The following PLEK2 variants were observed in gnomAD, a reference collection of about 807,000 sequenced individuals.
The protein encoded by PLEK2 is pleckstrin 2, also known as pleckstrin-2.
Under a neutral mutation model 43.8 loss-of-function variants are expected in PLEK2, and 29 were observed. That is an observed-to-expected ratio of 0.66 (90% CI 0.49 to 0.90). The LOEUF (loss-of-function observed/expected upper bound fraction) is 0.90, where lower values mean the gene tolerates loss of function less well. Ranked by LOEUF, PLEK2 falls within the 40% of genes least tolerant of loss-of-function variation. The pLI, the probability that PLEK2 is intolerant of heterozygous loss-of-function variation, is 0.00. For synonymous variants in PLEK2, 162 were observed against 173.2 expected (o/e 0.94, Z 0.51); for missense variants, 398 against 448.1 (o/e 0.89, Z 1.01).
intron 1 of PLEK2, 54 bp downstream of exon 1, chr14:67,411,964 C>T: frequency 6.8e-7 from 1 of 1,460,302 alleles, no homozygotes; most frequent in Non-Finnish European, 9.2e-7. Context: ...CTCTAGGGAG[C>T]CGCGTCGGCG....
Position 67,397,754 on chromosome 14 carries a change from C to G in PLEK2, c.115G>C (p.Glu39Gln). 6.2e-7 allele frequency: 1 copy of G among 1,613,584 alleles called. No homozygotes were observed. The highest frequency in any genetic ancestry group is 8.5e-7 in the Non-Finnish European group (1 of 1,179,756). Residue 39 changes from glutamate (E) to glutamine (Q), a missense_variant, in exon 2 of 9, where the codon GAG becomes CAG. Transcript: ENST00000216446. The part of the protein sequence containing the change: ...RQNTLVYYKL[E>Q]GGRRVTPPKG... ...GGAGGGGTCACTCTCCGACCCCCCT[C>G]AAGCTTGTAGTACACCAGCGTGTTC...
At position 67,390,676 on chromosome 14, in the gene PLEK2, T is replaced by G. The variant is rs762524654; in HGVS notation, c.842A>C (p.Tyr281Ser). Reference protein sequence around the residue: ...LRKDPAFLHYYDPSKEENRPV... With the variant: ...LRKDPAFLHYSDPSKEENRPV... ...ATGCGCACTCACTTTGGAAGGGTCA[T>G]AGTAATGCAGGAAAGCTGGATCCTT... Residue 281 changes from tyrosine to serine, a missense_variant, in exon 7 of 9, where the codon TAT becomes TCT. By Grantham distance (144) the Tyr-to-Ser change is moderately radical (BLOSUM62 -2). Transcript: ENST00000216446. 1.1e-5 allele frequency: 17 copies of G among 1,612,116 alleles called. No individual in the cohort carries two copies. In the South Asian group the frequency reaches 1.9e-4, roughly 18 times the overall value.
chr14:67,395,329 A>AG (rs1165025865), intron 3 of PLEK2, 73 bp downstream of exon 3: 19 of 1,358,000 alleles, frequency 1.4e-5, no homozygotes, highest in Non-Finnish European at 2.0e-5. Context: ...AGCCCCCCCA[A>AG]GGGGCAGGGT....
chr14:67,390,342 C>G (rs986788642), intron 7 of PLEK2, among the ~76,000 whole-genome samples: 1 of 152,146 alleles, frequency 6.6e-6, no homozygotes, highest in Non-Finnish European at 1.5e-5. Flanking sequence ...GTAGGAGTCT[C>G]TGTCAGCCTA....
In PLEK2 at chr14:67,392,716, G is replaced by A. The variant is rs916716992; in HGVS notation, c.615C>T (p.Arg205=). 1 of 1,614,204 alleles carries A rather than the reference G, an allele frequency of 6.2e-7. No individual in the cohort carries two copies. Among genetic ancestry groups the A allele is most frequent in the Non-Finnish European group, 8.5e-7 (1 of 1,180,014 alleles). The change falls in exon 5 of 9, where the codon CGC becomes CGT. Residue 205 remains arginine, a synonymous_variant. Coordinates refer to ENST00000216446, the MANE Select transcript of PLEK2 (RefSeq NM_016445.3). Reference sequence around the variant, plus strand: ...GGAACTGCTCGGCCAGATCCCCAGAGCGAATGGCTCCCATGCTTCGGACAC... The same window carrying A: ...GGAACTGCTCGGCCAGATCCCCAGAACGAATGGCTCCCATGCTTCGGACAC... ...PVGVRSMGAI[R]SGDLAEQFLD...
intron 2 of PLEK2, among the ~76,000 whole-genome samples, chr14:67,397,415 A>T (rs1049960632): frequency 1.3e-5 from 2 of 152,200 alleles, no homozygotes; most frequent in African/African-American, 4.8e-5. Context: ...GGTCCTCACC[A>T]CAACCATGTG....
At chr14:67,389,680 T>C (rs183395465) in intron 7 of PLEK2, among the ~76,000 whole-genome samples, 2 of 152,214 alleles carry the variant, frequency 1.3e-5, no homozygotes, top group Admixed American at 1.3e-4. Flanking sequence ...TTTCCTATTT[T>C]AAAAGCTGAG....
intron 1 of PLEK2, 89 bp downstream of exon 1, chr14:67,411,929 G>C: frequency 8.0e-7 from 1 of 1,243,870 alleles, no homozygotes; most frequent in Non-Finnish European, 1.1e-6. Context: ...GAGCATGCCC[G>C]TTCCGGGGCG....
intron 7 of PLEK2, among the ~76,000 whole-genome samples, chr14:67,389,694 G>T (rs2085953017): frequency 6.6e-6 from 1 of 151,834 alleles, no homozygotes; most frequent in African/African-American, 2.4e-5. Flanking sequence ...AGCTGAGACA[G>T]CAGACTCATC....
At chr14:67,388,034 T>C (rs959936956) in intron 8 of PLEK2, among the ~76,000 whole-genome samples, 190 bp downstream of exon 8, 6 of 152,228 alleles carry the variant, frequency 3.9e-5, no homozygotes, top group African/African-American at 1.2e-4. Flanking sequence ...GATTACTTAG[T>C]TGTATTCTTA....
intron 3 of PLEK2, among the ~76,000 whole-genome samples, chr14:67,394,156 T>C (rs1394844641): frequency 6.6e-6 from 1 of 152,210 alleles, no homozygotes; most frequent in Non-Finnish European, 1.5e-5. Flanking sequence ...TTCTTCTCCT[T>C]ATCTAAATGT....
At chr14:67,389,358 T>G in intron 7 of PLEK2, among the ~76,000 whole-genome samples, 1 of 151,086 alleles carries the variant, frequency 6.6e-6, no homozygotes, top group African/African-American at 2.4e-5. Context: ...GATAGGAGAG[T>G]AGGTCCCCAG....
chr14:67,393,035 C>T (rs1356657195), intron 4 of PLEK2, 115 bp downstream of exon 4: 2 of 940,404 alleles, frequency 2.1e-6, no homozygotes, highest in Admixed American at 3.6e-5. Context: ...TCAGGCTAGC[C>T]TGTTGCCCAG....
chr14:67,392,488 G>A (rs558187891), intron 5 of PLEK2, 61 bp from the exon 6 acceptor site: 121 of 1,345,904 alleles, frequency 9.0e-5, no homozygotes, highest in African/African-American at 2.9e-4. Context: ...AGGCTATGGC[G>A]GCTGTCAGAG....
rs755007920 is a variant in PLEK2 at position 67,390,738 on chromosome 14, C to T, written c.780G>A (p.Lys260=). The change falls in exon 7 of 9, where the codon AAG becomes AAA. Residue 260 remains lysine, a synonymous_variant. Transcript: ENST00000216446. ...KQGYLAKQGH[K]RKNWKVRRFV... is the part of the protein sequence containing the mutation. ...AGCGACGCACCTTCCAGTTTTTCCT[C>T]TTGTGTCCCTGAGGCAAAGAAATGG... 3 of 1,611,604 alleles carry T rather than the reference C, an allele frequency of 1.9e-6. No homozygotes were observed. Among genetic ancestry groups the T allele is most frequent in the African/African-American group, 2.7e-5 (2 of 74,992 alleles).
rs1477500063 is a variant in PLEK2, at chr14:67,397,798, C to G, written c.71G>C (p.Arg24Pro). Reference protein sequence around the residue: ...RGHIVHNWKARWFILRQNTLV... With the variant: ...RGHIVHNWKAPWFILRQNTLV... Reference sequence around the variant, plus strand: ...CGTGTTCTGCCGAAGGATGAACCATCGCGCCTTCCAGTTGTGGACAATGTG... The same window carrying G: ...CGTGTTCTGCCGAAGGATGAACCATGGCGCCTTCCAGTTGTGGACAATGTG... The change falls in exon 2 of 9, where the codon CGA (arginine) becomes CCA (proline). Residue 24 changes from arginine to proline, a missense_variant. Arg to Pro is a moderately radical substitution (Grantham distance 103). Transcript: ENST00000216446. 1 of 1,612,350 alleles carries G rather than the reference C, an allele frequency of 6.2e-7. No individual in the cohort carries two copies. Among genetic ancestry groups the G allele is most frequent in the East Asian group, 2.2e-5 (1 of 44,852 alleles).
Position 67,387,331 on chromosome 14 carries a change from A to C in PLEK2, c.1060T>G (p.Ter354GlyextTer26). ...EWIEAIKKLT[*>G] ...ATCCTGGTTCCCTCAGGTCCTTGTC[A>C]TGTTAGCTTTTTGATAGCTTCAATC... The change falls in exon 9 of 9, where the codon TGA (stop) becomes GGA (glycine). Residue 354 changes from the stop codon to glycine, a stop_lost. Coordinates refer to ENST00000216446, the MANE Select transcript of PLEK2 (RefSeq NM_016445.3). The C allele has an allele frequency of 6.2e-7, 1 of 1,609,468 alleles. No individual in the cohort carries two copies. Among genetic ancestry groups the C allele is most frequent in the Non-Finnish European group, 8.5e-7 (1 of 1,178,502 alleles).
At position 67,388,186 on chromosome 14, in the gene PLEK2, CCTGAGATCTTCAGGCCAGGG is replaced by C; in HGVS notation, c.934+18_934+37del. 7.3e-7 allele frequency: 1 copy of C among 1,378,178 alleles called. No homozygotes were observed. Among genetic ancestry groups the C allele is most frequent in the Non-Finnish European group, 1.0e-6 (1 of 964,828 alleles). 85.4% of individuals were successfully genotyped at this position (1,378,178 alleles called of 1,614,324 possible). ...ATTACTGAGGTGCAGGAGGGAGGCCCCTGAGATCTTCAGGCCAGGGCTGAAGTTGTACCTTACCAGTGGGA... is the reference window on the plus strand; with the variant it reads ...ATTACTGAGGTGCAGGAGGGAGGCCCCTGAAGTTGTACCTTACCAGTGGGA... On this transcript the variant is annotated intron_variant, in intron 8 of 8. Transcript: ENST00000216446.
At chr14:67,393,377 G>GAAA in intron 3 of PLEK2, 136 bp from the exon 4 acceptor site, 1 of 707,980 alleles carries the variant, frequency 1.4e-6, no homozygotes, top group East Asian at 2.5e-5. Flanking sequence ...AGGGGTGTAG[G>GAAA]AAAGCAGCCT....
Sources: allele counts gnomAD v4.1 joint callset (sites outside exome capture counted in the v4.1 genomes callset), GRCh38; gene constraint gnomAD v4.1.1; transcripts MANE v1.5; gene names NCBI Gene and HGNC (gene_info 2026-07-23, HGNC 2026-07-21).